Variants in OTUD7A observed in about 807,000 individuals in gnomAD.
The protein encoded by OTUD7A is OTU domain-containing protein 7A.
In OTUD7A, 12 loss-of-function variants were observed where a neutral mutation model predicts 65.7. The ratio of observed to expected loss-of-function variants is 0.18; its 90% confidence interval spans 0.12 to 0.30. OTUD7A has a LOEUF of 0.30. OTUD7A is among the 10% of genes least tolerant of loss of function. The probability of loss-of-function intolerance (pLI) is 1.00; values close to 1 mark genes in which losing one functional copy is unlikely to be tolerated. For missense variants in OTUD7A, 1,148 were observed against 1,304.8 expected (o/e 0.88, Z 1.85); for synonymous variants, 641 against 586.3 (o/e 1.09, Z -1.35).
intron 1 of OTUD7A, among the ~76,000 whole-genome samples, chr15:31,747,396 TA>T (rs1347942347): frequency 6.6e-6 from 1 of 152,094 alleles, no homozygotes; most frequent in African/African-American, 2.4e-5. Context: ...GCAAAGACTG[TA>T]AAAGGAAATC....
At chr15:31,679,155 A>C (rs925795660) in intron 1 of OTUD7A, among the ~76,000 whole-genome samples, 3 of 152,136 alleles carry the variant, frequency 2.0e-5, no homozygotes, top group African/African-American at 7.2e-5. Flanking sequence ...TAATTTCTCC[A>C]ATTTGGAATG....
intron 1 of OTUD7A, among the ~76,000 whole-genome samples, chr15:31,804,302 G>T (rs1245177782): frequency 1.1e-4 from 16 of 152,168 alleles, no homozygotes; most frequent in Admixed American, 1.0e-3. Flanking sequence ...CTTCTTGGAC[G>T]CAACCTTAAA....
In OTUD7A at chr15:31,753,721, T is replaced by TATATATATTATATATATATATATTA. The variant is rs879561188; in HGVS notation, c.-99-96645_-99-96644insTAATATATATATATATAATATATAT. Among the ~76,000 whole-genome samples the TATATATATTATATATATATATATTA allele has an allele frequency of 3.0e-3, 316 of 106,720 alleles. 2 individuals carry two copies. The highest frequency in any genetic ancestry group is 4.7e-3 in the Non-Finnish European group (266 of 56,904). The allele number at this position is 106,720 out of a possible 152,430, so 70.0% of individuals were successfully genotyped here. On this transcript the variant is annotated intron_variant, in intron 1 of 12. Transcript: ENST00000307050. ...TATATATTATATATATATATATATA[T>TATATATATTATATATATATATATTA]TATATATATATATATATATCTCACA... is the stretch of plus-strand genomic sequence containing the variant.
At chr15:31,785,738 T>C (rs4281674) in intron 1 of OTUD7A, among the ~76,000 whole-genome samples, 1 of 152,098 alleles carries the variant, frequency 6.6e-6, no homozygotes, top group Non-Finnish European at 1.5e-5. Flanking sequence ...CCTGCCCTAT[T>C]TAAGCCATAG....
At chr15:31,533,454 C>G (rs1324089791) in intron 5 of OTUD7A, among the ~76,000 whole-genome samples, 1 of 152,118 alleles carries the variant, frequency 6.6e-6, no homozygotes, top group Non-Finnish European at 1.5e-5. Context: ...CCAGGCTAGT[C>G]TCGAACTCCT....
At chr15:31,746,921 G>GT (rs1894495324) in intron 1 of OTUD7A, among the ~76,000 whole-genome samples, 1 of 152,184 alleles carries the variant, frequency 6.6e-6, no homozygotes. Context: ...GAAAATTTCT[G>GT]TATCTTGGTA....
In OTUD7A at chr15:31,481,674, G is replaced by A. The variant is rs553586310; in HGVS notation, c.*1620C>T. The A allele has an allele frequency of 1.3e-5, 2 of 152,206 alleles. No homozygotes were observed. The highest frequency in any genetic ancestry group is 2.4e-5 in the African/African-American group (1 of 41,354). 9.4% of individuals were successfully genotyped at this position (152,206 alleles called of 1,614,324 possible). On this transcript the variant is annotated 3_prime_UTR_variant, in exon 13 of 13. Coordinates refer to ENST00000307050, the MANE Select transcript of OTUD7A (RefSeq NM_001382637.1). ...CTGTGGAATAATTAAAAACAAAAAGGCATTACTCACAGGAGATACTCAATT... is the reference window on the plus strand; with the variant it reads ...CTGTGGAATAATTAAAAACAAAAAGACATTACTCACAGGAGATACTCAATT...
chr15:31,798,083 T>C (rs778730053), intron 1 of OTUD7A, among the ~76,000 whole-genome samples: 1 of 152,162 alleles, frequency 6.6e-6, no homozygotes, highest in African/African-American at 2.4e-5. Context: ...ATCAGTCATA[T>C]AGGATTAGAG....
intron 5 of OTUD7A, among the ~76,000 whole-genome samples, chr15:31,548,110 C>T (rs1888192381): frequency 6.6e-6 from 1 of 151,080 alleles, no homozygotes; most frequent in Non-Finnish European, 1.5e-5. Flanking sequence ...GATTTTCTTC[C>T]TGACAGGACT....
intron 1 of OTUD7A, among the ~76,000 whole-genome samples, chr15:31,674,913 T>C (rs1326198304): frequency 1.3e-5 from 2 of 152,184 alleles, no homozygotes; most frequent in African/African-American, 4.8e-5. Flanking sequence ...CTATTTCCGA[T>C]GGTATCATGG....
At chr15:31,528,760 T>A (rs973047627) in intron 6 of OTUD7A, among the ~76,000 whole-genome samples, 1 of 152,246 alleles carries the variant, frequency 6.6e-6, no homozygotes, top group African/African-American at 2.4e-5. Flanking sequence ...TGCCCCACAA[T>A]CCTAGCTCAA....
chr15:31,808,490 A>G (rs1233634924), intron 1 of OTUD7A, among the ~76,000 whole-genome samples: 1 of 152,186 alleles, frequency 6.6e-6, no homozygotes, highest in African/African-American at 2.4e-5. Flanking sequence ...CTTGAGTTGT[A>G]CCGTTGTTCT....
chr15:31,601,151 A>G (rs2141210658), intron 3 of OTUD7A, among the ~76,000 whole-genome samples: 1 of 152,338 alleles, frequency 6.6e-6, no homozygotes, highest in Middle Eastern at 3.4e-3. Flanking sequence ...AATCGACAGA[A>G]TATACATTCT....
chr15:31,842,787 A>G (rs1180833474), intron 1 of OTUD7A, among the ~76,000 whole-genome samples: 1 of 152,156 alleles, frequency 6.6e-6, no homozygotes, highest in Non-Finnish European at 1.5e-5. Flanking sequence ...CATGTCTCTC[A>G]TGACTTAAGC....
At chr15:31,547,221 T>C (rs1888159493) in intron 5 of OTUD7A, among the ~76,000 whole-genome samples, 1 of 137,032 alleles carries the variant, frequency 7.3e-6, no homozygotes, top group African/African-American at 2.5e-5. Context: ...CCTCATTTTA[T>C]TTTTTCCATA....
At chr15:31,791,779 C>A (rs1895822184) in intron 1 of OTUD7A, among the ~76,000 whole-genome samples, 2 of 152,074 alleles carry the variant, frequency 1.3e-5, no homozygotes, top group South Asian at 2.1e-4. Flanking sequence ...TGTCTTGACA[C>A]CCCACCCTCT....
intron 3 of OTUD7A, among the ~76,000 whole-genome samples, chr15:31,572,453 T>C (rs535970164): frequency 3.3e-5 from 5 of 152,350 alleles, no homozygotes; most frequent in East Asian, 3.9e-4. Context: ...ATTGGATTAC[T>C]AGTAGACACA....
At chr15:31,786,767 C>CA (rs1895684400) in intron 1 of OTUD7A, among the ~76,000 whole-genome samples, 1 of 152,134 alleles carries the variant, frequency 6.6e-6, no homozygotes, top group Non-Finnish European at 1.5e-5. Context: ...AGGTCTCCCC[C>CA]TCAGGAGCTC....
chr15:31,632,087 C>A (rs1891181859), intron 3 of OTUD7A, among the ~76,000 whole-genome samples: 1 of 152,214 alleles, frequency 6.6e-6, no homozygotes, highest in South Asian at 2.1e-4. Flanking sequence ...CTTCTCTCAG[C>A]TCGTCAAAGT....
Sources: gnomAD v4.1 joint callset for allele counts (sites outside exome capture counted in the v4.1 genomes callset) on GRCh38, gnomAD v4.1.1 for gene constraint, MANE v1.5 for transcripts, NCBI Gene and HGNC (gene_info 2026-07-23, HGNC 2026-07-21) for gene names.